The following IL1RAPL1 variants were observed in gnomAD, a reference collection of about 807,000 sequenced individuals.
IL1RAPL1 encodes the protein interleukin 1 receptor accessory protein like 1.
In IL1RAPL1, 3 loss-of-function variants were observed where a neutral mutation model predicts 48.4. The ratio of observed to expected loss-of-function variants is 0.06; its 90% CI spans 0.03 to 0.16. The LOEUF (loss-of-function observed/expected upper bound fraction) is 0.16. Among genes scored for constraint, IL1RAPL1 ranks in the 10% least tolerant of loss-of-function variants. IL1RAPL1 has a pLI of 1.00. For missense variants in IL1RAPL1, 349 were observed against 530.6 expected (o/e 0.66, Z 3.36); for synonymous variants, 185 against 187.7 (o/e 0.99, Z 0.12).
At chrX:28,630,520 C>T (rs978709758) in intron 1 of IL1RAPL1, among the ~76,000 whole-genome samples, 2 of 111,981 alleles carry the variant, frequency 1.8e-5, no homozygotes, top group African/African-American at 6.5e-5. Context: ...CTCAACCCGT[C>T]TGCCTTCTTC....
chrX:28,800,847 T>TTTAATTTA (rs1936664545), intron 2 of IL1RAPL1, among the ~76,000 whole-genome samples: 1 of 93,709 alleles, frequency 1.1e-5, no homozygotes, highest in African/African-American at 4.1e-5. Context: ...ATTAAAGGGA[T>TTTAATTTA]TTTATTTATT....
intron 2 of IL1RAPL1, among the ~76,000 whole-genome samples, chrX:28,815,276 A>G (rs1346644754): frequency 9.1e-6 from 1 of 110,360 alleles, no homozygotes; most frequent in African/African-American, 3.3e-5. Context: ...TTTCTTCTTC[A>G]CTTCTGAAGT....
intron 2 of IL1RAPL1, among the ~76,000 whole-genome samples, chrX:28,802,262 A>G (rs1013166232): frequency 2.7e-5 from 3 of 112,537 alleles, no homozygotes; most frequent in Non-Finnish European, 5.6e-5. Flanking sequence ...TTGGTTTGTC[A>G]GTTTCAAATA....
chrX:29,766,389 T>A (rs1313469281), intron 6 of IL1RAPL1, among the ~76,000 whole-genome samples: 3 of 94,997 alleles, frequency 3.2e-5, no homozygotes, highest in African/African-American at 1.2e-4. Context: ...AGATAGATAT[T>A]TTTATATATA....
intron 8 of IL1RAPL1, among the ~76,000 whole-genome samples, chrX:29,923,546 G>A (rs1178490026): frequency 8.9e-6 from 1 of 112,279 alleles, no homozygotes; most frequent in Non-Finnish European, 1.9e-5. Flanking sequence ...TGGCAAGCTT[G>A]AGCATTAGAT....
At chrX:29,842,607 G>A (rs775409998) in intron 6 of IL1RAPL1, among the ~76,000 whole-genome samples, 1 of 112,211 alleles carries the variant, frequency 8.9e-6, no homozygotes, top group African/African-American at 3.2e-5. Context: ...GGCCTCTGTT[G>A]TGTACTTCAT....
At chrX:29,483,693 T>TA (rs1491588436) in intron 5 of IL1RAPL1, among the ~76,000 whole-genome samples, 1,397 of 40,317 alleles carry the variant, frequency 0.035, 34 homozygotes, top group African/African-American at 0.088. Context: ...GTAGTAGTAG[T>TA]TTTTTTTTTT....
intron 2 of IL1RAPL1, among the ~76,000 whole-genome samples, chrX:29,225,047 A>G (rs1931052282): frequency 1.8e-5 from 2 of 111,751 alleles, no homozygotes; most frequent in African/African-American, 6.5e-5. Flanking sequence ...GTGTAGTTGT[A>G]GTGGTGCATC....
At chrX:29,596,793 A>G (rs1365679765) in intron 5 of IL1RAPL1, among the ~76,000 whole-genome samples, 2 of 111,761 alleles carry the variant, frequency 1.8e-5, no homozygotes, top group East Asian at 5.6e-4. Context: ...GAGAGTGGGT[A>G]TCCTTATCGT....
At chrX:28,659,478 G>A (rs1285842557) in intron 1 of IL1RAPL1, 7 of 502,931 alleles carry the variant, frequency 1.4e-5, no homozygotes, top group East Asian at 3.7e-5. Context: ...ATGATATAGA[G>A]ACCTCCTTGC....
At chrX:29,477,364 G>C (rs1195317533) in intron 5 of IL1RAPL1, among the ~76,000 whole-genome samples, 1 of 111,933 alleles carries the variant, frequency 8.9e-6, no homozygotes, top group Non-Finnish European at 1.9e-5. Context: ...GTTGGCATAA[G>C]AGAGGTTATA....
At chrX:29,820,040 TAA>T (rs933392246) in intron 6 of IL1RAPL1, among the ~76,000 whole-genome samples, 11 of 105,356 alleles carry the variant, frequency 1.0e-4, no homozygotes, top group Non-Finnish European at 1.7e-4. Context: ...CTTTATAATC[TAA>T]GTGTTATATA....
chrX:29,733,836 G>C (rs1033293890), intron 6 of IL1RAPL1, among the ~76,000 whole-genome samples: 1 of 112,507 alleles, frequency 8.9e-6, no homozygotes, highest in African/African-American at 3.2e-5. Context: ...TCTCTAAGCA[G>C]AATCATCAAC....
intron 5 of IL1RAPL1, among the ~76,000 whole-genome samples, chrX:29,585,502 A>G (rs1198190456): frequency 8.9e-6 from 1 of 111,941 alleles, no homozygotes; most frequent in Non-Finnish European, 1.9e-5. Flanking sequence ...GCTTGGGGTC[A>G]TTGATATACT....
chrX:29,714,287 C>A (rs148585260), intron 6 of IL1RAPL1, among the ~76,000 whole-genome samples: 1 of 111,964 alleles, frequency 8.9e-6, no homozygotes, highest in Non-Finnish European at 1.9e-5. Context: ...CAAATTGCTT[C>A]TTCACCTCCT....
chrX:29,601,480 G>A (rs1428168746), intron 5 of IL1RAPL1, among the ~76,000 whole-genome samples: 1 of 111,908 alleles, frequency 8.9e-6, no homozygotes, highest in African/African-American at 3.3e-5. Context: ...AGGTCTATCA[G>A]TGAACATGTT....
At chrX:29,230,752 A>G (rs1029297160) in intron 2 of IL1RAPL1, among the ~76,000 whole-genome samples, 1 of 110,504 alleles carries the variant, frequency 9.0e-6, no homozygotes, top group Admixed American at 9.7e-5. Context: ...AGTGACCTAC[A>G]ACTAGGTCAG....
intron 1 of IL1RAPL1, among the ~76,000 whole-genome samples, 158 bp downstream of exon 1, chrX:28,588,205 TATGTGTGTGTGTG>T (rs1276322372): frequency 0.017 from 1,618 of 93,557 alleles, 26 homozygotes; most frequent in African/African-American, 0.054. Flanking sequence ...GGTGTGTTGA[TATGTGTGTGTGTG>T]TGTGTGTGTG....
At chrX:28,669,659 A>C (rs1462864102) in intron 1 of IL1RAPL1, among the ~76,000 whole-genome samples, 1 of 103,593 alleles carries the variant, frequency 9.7e-6, no homozygotes, top group Non-Finnish European at 1.9e-5. Context: ...ATATATATAA[A>C]TTATTTATAT....
Sources: gnomAD v4.1 joint callset for allele counts (sites outside exome capture counted in the v4.1 genomes callset) on GRCh38, gnomAD v4.1.1 for gene constraint, MANE v1.5 for transcripts, NCBI Gene and HGNC (gene_info 2026-07-23, HGNC 2026-07-21) for gene names.